SEMA3D: variants seen among roughly 807,000 people sequenced by gnomAD.
The protein encoded by SEMA3D is semaphorin-3D.
In SEMA3D, 84 loss-of-function variants were observed where a neutral mutation model predicts 100.1. The ratio of observed to expected loss-of-function variants is 0.84; its 90% CI spans 0.70 to 1.01. The LOEUF (loss-of-function observed/expected upper bound fraction) is 1.01, where lower values mean the gene tolerates loss of function less well. Ranked by LOEUF, SEMA3D falls within the 50% of genes least tolerant of loss-of-function variation. SEMA3D has a pLI of 0.00. For missense variants in SEMA3D, 875 were observed against 934.1 expected, an observed-to-expected ratio of 0.94 and a Z score of 0.82; for synonymous variants, 312 against 320.7, an observed-to-expected ratio of 0.97 and a Z score of 0.29.
the SEMA3D span, among the ~76,000 whole-genome samples, chr7:85,245,522 T>A: frequency 6.6e-6 from 1 of 152,212 alleles, no homozygotes; most frequent in African/African-American, 2.4e-5. Flanking sequence ...TCTTTACTCC[T>A]TTGTATTTAC....
the SEMA3D span, among the ~76,000 whole-genome samples, chr7:85,246,910 G>GA: frequency 6.7e-6 from 1 of 150,316 alleles, no homozygotes; most frequent in Admixed American, 6.6e-5. Flanking sequence ...ATATAACAGT[G>GA]AAAAAAACTA....
chr7:85,055,645 CATATAT>C (rs56131427), intron 9 of SEMA3D, 66 bp downstream of exon 9: 13,040 of 159,134 alleles, frequency 0.082, 535 homozygotes, highest in East Asian at 0.13. Context: ...TTTTCATATA[CATATAT>C]ATATATATAT....
At chr7:85,173,938 C>T (rs957055) in intron 1 of SEMA3D, among the ~76,000 whole-genome samples, 12,916 of 152,120 alleles carry the variant, frequency 0.085, 1,338 homozygotes, top group East Asian at 0.3. Context: ...CAATCAAGGA[C>T]TCTGACACTT....
chr7:85,053,583 A>G (rs1190876533), intron 9 of SEMA3D, among the ~76,000 whole-genome samples: 1 of 152,006 alleles, frequency 6.6e-6, no homozygotes, highest in East Asian at 1.9e-4. Context: ...TGTCAGTGAA[A>G]TCTCCACTTG....
intron 4 of SEMA3D, among the ~76,000 whole-genome samples, chr7:85,093,936 T>C (rs1358241499): frequency 6.6e-6 from 1 of 151,918 alleles, no homozygotes; most frequent in African/African-American, 2.4e-5. Flanking sequence ...AACACTTAAA[T>C]TTCCCGAGGG....
chr7:85,055,658 ATAT>A, intron 9 of SEMA3D, 56 bp downstream of exon 9: 1 of 97,186 alleles, frequency 1.0e-5, no homozygotes, highest in South Asian at 2.5e-4. Flanking sequence ...ATATATATAT[ATAT>A]ATATATATAT....
intron 1 of SEMA3D, chr7:85,167,266 T>G (rs947951749): frequency 8.1e-6 from 8 of 984,826 alleles, no homozygotes; most frequent in Non-Finnish European, 9.6e-6. Flanking sequence ...AGGTCTTGGC[T>G]GGTTAAATAG....
rs150205604 is a variant in SEMA3D, at chr7:85,097,949, A to G, written c.168T>C (p.Asn56=). ...ATGAACCCAAAAAGGGAATACAGCT[A>G]TTTGAAAGCAGCAAGTCTATGGAAA... ...KLTYKDLLLS[N]SCIPFLGSSE... The change falls in exon 4 of 19, where the codon AAT becomes AAC. Residue 56 remains asparagine (N), a synonymous_variant. Coordinates refer to ENST00000284136, the MANE Select transcript of SEMA3D (RefSeq NM_001384900.1). The G allele has an allele frequency of 9.7e-4, 1,525 of 1,579,300 alleles. 1 individual carries two copies. The highest frequency in any genetic ancestry group is 1.2e-3 in the Non-Finnish European group (1,403 of 1,159,330).
At chr7:85,171,398 T>C (rs1791078374) in intron 1 of SEMA3D, among the ~76,000 whole-genome samples, 1 of 151,864 alleles carries the variant, frequency 6.6e-6, no homozygotes, top group Non-Finnish European at 1.5e-5. Flanking sequence ...AAAGCAACCA[T>C]GATGGAGCTA....
intron 17 of SEMA3D, 42 bp downstream of exon 17, chr7:85,012,740 G>A (rs769342760): frequency 2.4e-5 from 35 of 1,444,470 alleles, no homozygotes; most frequent in Non-Finnish European, 3.3e-5. Flanking sequence ...AGTGGGCTTA[G>A]CATTTTAAAT....
the SEMA3D span, among the ~76,000 whole-genome samples, chr7:85,215,117 CT>C: frequency 0.073 from 9,373 of 128,132 alleles, 333 homozygotes; most frequent in Non-Finnish European, 0.11. Flanking sequence ...TTCTTTCTTT[CT>C]TTTTTTTTTT....
At chr7:85,066,942 A>AGAGAGAGAGAGG (rs1562803729) in intron 7 of SEMA3D, among the ~76,000 whole-genome samples, 1 of 151,500 alleles carries the variant, frequency 6.6e-6, no homozygotes, top group African/African-American at 2.4e-5. Context: ...AGAGAGAGAG[A>AGAGAGAGAGAGG]GAGAACTCCA....
chr7:85,195,816 C>T, the SEMA3D span, among the ~76,000 whole-genome samples: 1 of 151,996 alleles, frequency 6.6e-6, no homozygotes, highest in African/African-American at 2.4e-5. Context: ...AAAATACTAA[C>T]CCTTGAATTT....
chr7:85,069,067 C>T (rs1043670138), intron 6 of SEMA3D, among the ~76,000 whole-genome samples: 1 of 152,080 alleles, frequency 6.6e-6, no homozygotes, highest in Non-Finnish European at 1.5e-5. Context: ...AATGACAACA[C>T]TACCATCCAG....
intron 1 of SEMA3D, among the ~76,000 whole-genome samples, chr7:85,165,611 C>T (rs142138986): frequency 1.3e-5 from 2 of 152,218 alleles, no homozygotes; most frequent in Non-Finnish European, 2.9e-5. Flanking sequence ...GAAAATCATG[C>T]TTCACCCACA....
At chr7:85,233,925 A>G in the SEMA3D span, among the ~76,000 whole-genome samples, 3 of 152,296 alleles carry the variant, frequency 2.0e-5, no homozygotes, top group Non-Finnish European at 4.4e-5. Flanking sequence ...AGATCAGGGG[A>G]AAATGCCATT....
At chr7:85,035,697 G>T (rs1017000134) in intron 12 of SEMA3D, among the ~76,000 whole-genome samples, 2 of 151,744 alleles carry the variant, frequency 1.3e-5, no homozygotes, top group African/African-American at 2.4e-5. Context: ...ATAATGGATG[G>T]TAAATTAAAA....
At chr7:85,146,977 C>A (rs1386667996) in intron 2 of SEMA3D, among the ~76,000 whole-genome samples, 1 of 151,934 alleles carries the variant, frequency 6.6e-6, no homozygotes, top group Non-Finnish European at 1.5e-5. Flanking sequence ...ATAGTTCATT[C>A]CTCCAGAGAA....
In SEMA3D at chr7:85,122,232, C is replaced by CAA. The variant is rs34627101; in HGVS notation, c.-40-303_-40-302dup. Among the ~76,000 whole-genome samples, 1,246 of 144,032 alleles carry CAA rather than the reference C, an allele frequency of 8.7e-3. 20 individuals carry two copies. The highest frequency in any genetic ancestry group is 0.026 in the African/African-American group (1,041 of 39,834). 94.5% of individuals were successfully genotyped at this position (144,032 alleles called of 152,430 possible). ...CACATGTATCCCAGAACTTAAAGTA[C>CAA]AAAAAAAAAAAACTATTAAGATAAC... On this transcript the variant is annotated intron_variant, in intron 2 of 18. Coordinates refer to ENST00000284136, the MANE Select transcript of SEMA3D (RefSeq NM_001384900.1).
Sources: gnomAD v4.1 joint callset for allele counts (sites outside exome capture counted in the v4.1 genomes callset) on GRCh38, gnomAD v4.1.1 for gene constraint, MANE v1.5 for transcripts, NCBI Gene and HGNC (gene_info 2026-07-23, HGNC 2026-07-21) for gene names.